The following CDK14 variants were observed in gnomAD, a reference collection of about 807,000 sequenced individuals.
The protein encoded by CDK14 is cyclin dependent kinase 14, also known as cyclin-dependent kinase 14.
A neutral mutation model predicts 60.7 loss-of-function variants in CDK14; 34 were observed. The ratio of observed to expected loss-of-function variants is 0.56; its 90% CI spans 0.43 to 0.75. The LOEUF (loss-of-function observed/expected upper bound fraction) is 0.75. Among genes scored for constraint, CDK14 ranks in the 30% least tolerant of loss-of-function variants. The pLI is 0.00. For missense variants in CDK14, 482 were observed against 564.1 expected (o/e 0.85, Z 1.47); for synonymous variants, 197 against 203.7 (o/e 0.97, Z 0.28).
chr7:90,684,005 A>C (rs1801379031), intron 2 of CDK14, among the ~76,000 whole-genome samples: 1 of 151,884 alleles, frequency 6.6e-6, no homozygotes, highest in Admixed American at 6.6e-5. Context: ...CATATTTTAA[A>C]ACTGTGTCCA....
At chr7:91,176,199 C>T (rs1479374849) in intron 14 of CDK14, among the ~76,000 whole-genome samples, 2 of 152,156 alleles carry the variant, frequency 1.3e-5, no homozygotes, top group South Asian at 2.1e-4. Flanking sequence ...CAACCTGCTC[C>T]TGAATGACTA....
chr7:91,163,315 A>G (rs747924618), intron 14 of CDK14, among the ~76,000 whole-genome samples: 2 of 152,208 alleles, frequency 1.3e-5, no homozygotes, highest in Non-Finnish European at 2.9e-5. Context: ...AAATGGATGC[A>G]AGGAAGTGAC....
At chr7:90,772,974 A>G (rs1171196703) in intron 4 of CDK14, among the ~76,000 whole-genome samples, 1 of 152,100 alleles carries the variant, frequency 6.6e-6, no homozygotes, top group Admixed American at 6.5e-5. Flanking sequence ...TTGGTGAAAA[A>G]TTTTTCTGTA....
chr7:91,050,129 C>A (rs1335565019), intron 11 of CDK14, among the ~76,000 whole-genome samples: 1 of 152,108 alleles, frequency 6.6e-6, no homozygotes, highest in Non-Finnish European at 1.5e-5. Flanking sequence ...TCATAGACGA[C>A]GTGGGGCCTT....
intron 3 of CDK14, among the ~76,000 whole-genome samples, chr7:90,732,204 T>A (rs1053755278): frequency 2.6e-5 from 4 of 152,156 alleles, no homozygotes; most frequent in Non-Finnish European, 4.4e-5. Context: ...TTGATCATGG[T>A]GGATAAGCTT....
intron 2 of CDK14, among the ~76,000 whole-genome samples, chr7:90,717,225 A>G (rs1440525881): frequency 6.6e-6 from 1 of 152,134 alleles, no homozygotes; most frequent in Admixed American, 6.6e-5. Flanking sequence ...ATCTACCTAT[A>G]TGAGCCTATA....
At chr7:91,185,024 A>G (rs898586632) in intron 14 of CDK14, among the ~76,000 whole-genome samples, 1 of 150,970 alleles carries the variant, frequency 6.6e-6, no homozygotes, top group African/African-American at 2.4e-5. Flanking sequence ...TGCGAGTGGT[A>G]GCCCCAGCTG....
chr7:90,765,049 C>T (rs1015613399), intron 4 of CDK14, among the ~76,000 whole-genome samples: 1 of 152,064 alleles, frequency 6.6e-6, no homozygotes, highest in Non-Finnish European at 1.5e-5. Flanking sequence ...AAAGACAAGC[C>T]CCTGGGGAAG....
intron 2 of CDK14, among the ~76,000 whole-genome samples, chr7:90,691,229 C>T (rs1021371913): frequency 5.3e-5 from 8 of 151,948 alleles, no homozygotes; most frequent in Non-Finnish European, 7.4e-5. Context: ...CCTGCCCTCC[C>T]GGAACTTAGC....
chr7:90,749,071 A>G (rs1231500371), intron 4 of CDK14, among the ~76,000 whole-genome samples: 1 of 152,210 alleles, frequency 6.6e-6, no homozygotes, highest in African/African-American at 2.4e-5. Flanking sequence ...AGAAGATGAA[A>G]TATTCCTTAT....
At chr7:91,131,086 T>C (rs551777207) in intron 14 of CDK14, among the ~76,000 whole-genome samples, 13 of 150,804 alleles carry the variant, frequency 8.6e-5, no homozygotes, top group Middle Eastern at 3.4e-3. Context: ...TGTTCTTTAG[T>C]TTTTTATTTT....
chr7:90,970,956 T>C (rs1794905309), intron 9 of CDK14, among the ~76,000 whole-genome samples: 1 of 152,078 alleles, frequency 6.6e-6, no homozygotes, highest in Non-Finnish European at 1.5e-5. Flanking sequence ...ATACTTTAAG[T>C]TTTAGGGTAC....
intron 14 of CDK14, among the ~76,000 whole-genome samples, chr7:91,179,694 T>C (rs1801930504): frequency 6.6e-6 from 1 of 151,902 alleles, no homozygotes; most frequent in South Asian, 2.1e-4. Flanking sequence ...TCCCAGCTAC[T>C]TGGGAGGCCA....
At chr7:90,718,658 AT>A (rs1802335651) in intron 2 of CDK14, among the ~76,000 whole-genome samples, 1 of 152,160 alleles carries the variant, frequency 6.6e-6, no homozygotes. Context: ...TCTTGCATAT[AT>A]CCTTCTATAT....
Position 90,785,554 on chromosome 7 carries a change from G to A in CDK14, c.465-5019G>A, listed in dbSNP as rs143623960. 3.9e-5 allele frequency among the ~76,000 whole-genome samples: 6 copies of A among 152,212 alleles called. No individual in the cohort carries two copies. In the East Asian group the frequency reaches 1.2e-3, roughly 29 times the overall value. ...TTCTCTCAGCACTATGGGAGGCCGA[G>A]ATGGGCAGATCACGAGGTCAGGAGA... On this transcript the variant is annotated intron_variant, in intron 4 of 14. Coordinates refer to ENST00000380050, the MANE Select transcript of CDK14 (RefSeq NM_001287135.2).
intron 5 of CDK14, among the ~76,000 whole-genome samples, chr7:90,803,618 G>A (rs1395672134): frequency 6.6e-6 from 1 of 152,094 alleles, no homozygotes; most frequent in African/African-American, 2.4e-5. Flanking sequence ...AAGACAATGA[G>A]TTCAATTAGT....
At chr7:91,121,352 C>A (rs1044405783) in intron 14 of CDK14, among the ~76,000 whole-genome samples, 11 of 152,084 alleles carry the variant, frequency 7.2e-5, no homozygotes, top group Non-Finnish European at 1.6e-4. Context: ...ACTGGGCCGG[C>A]CGGCATTTTA....
intron 14 of CDK14, among the ~76,000 whole-genome samples, chr7:91,204,245 C>T (rs901840593): frequency 6.6e-6 from 1 of 151,966 alleles, no homozygotes; most frequent in African/African-American, 2.4e-5. Context: ...AGAAGGTTAC[C>T]CCTACCTCAT....
In CDK14 at chr7:90,812,013, T is replaced by C. The variant is rs553227377; in HGVS notation, c.544+21361T>C. ...GAGAAATAGGAACACTTTTACACTG[T>C]TGGTGAGACTGTAAACTAGTTCAAC... On this transcript the variant is annotated intron_variant, in intron 5 of 14. Coordinates refer to ENST00000380050, the MANE Select transcript of CDK14 (RefSeq NM_001287135.2). Among the ~76,000 whole-genome samples, 1,504 of 152,278 alleles carry C rather than the reference T, an allele frequency of 9.9e-3. 22 individuals carry two copies. The highest frequency in any genetic ancestry group is 0.033 in the African/African-American group (1,377 of 41,536).
Sources: gnomAD v4.1 joint callset for allele counts (sites outside exome capture counted in the v4.1 genomes callset) on GRCh38, gnomAD v4.1.1 for gene constraint, MANE v1.5 for transcripts, NCBI Gene and HGNC (gene_info 2026-07-23, HGNC 2026-07-21) for gene names.